The following TRPC6 variants were observed in gnomAD, a reference collection of about 807,000 sequenced individuals.
TRPC6 encodes the protein short transient receptor potential channel 6.
In TRPC6, 55 loss-of-function variants were observed where a neutral mutation model predicts 90.7. The ratio of observed to expected loss-of-function variants is 0.61; its 90% CI spans 0.49 to 0.76. The LOEUF (loss-of-function observed/expected upper bound fraction) is 0.76, where lower values mean the gene tolerates loss of function less well. TRPC6 is among the 30% of genes least tolerant of loss of function. The probability of loss-of-function intolerance (pLI) is 0.00; values close to 1 mark genes in which losing one functional copy is unlikely to be tolerated. For synonymous variants in TRPC6, 393 were observed against 393.0 expected (o/e 1.00, Z 0.00); for missense variants, 989 against 1,122.7 (o/e 0.88, Z 1.70).
At chr11:101,506,018 A>G (rs79540219) in intron 1 of TRPC6, among the ~76,000 whole-genome samples, 9 of 146,416 alleles carry the variant, frequency 6.1e-5, no homozygotes, top group Non-Finnish European at 1.2e-4. Context: ...TATCAAAGAA[A>G]AAAAAAAAAA....
At chr11:101,573,919 T>TA (rs1862016764) in intron 1 of TRPC6, among the ~76,000 whole-genome samples, 1 of 132,276 alleles carries the variant, frequency 7.6e-6, no homozygotes, top group Non-Finnish European at 1.6e-5. Flanking sequence ...AAGAAACAAA[T>TA]ACGTGTGTGT....
intron 1 of TRPC6, among the ~76,000 whole-genome samples, chr11:101,574,090 A>G (rs1430737154): frequency 6.6e-6 from 1 of 150,930 alleles, no homozygotes; most frequent in African/African-American, 2.5e-5. Context: ...TTAATTGTCT[A>G]GCACCAAAAG....
intron 1 of TRPC6, among the ~76,000 whole-genome samples, chr11:101,551,100 G>C (rs1208125116): frequency 6.6e-6 from 1 of 151,888 alleles, no homozygotes; most frequent in Non-Finnish European, 1.5e-5. Context: ...TAGAGAAAAT[G>C]CTTCTGTACT....
chr11:101,577,233 G>C (rs986182302), intron 1 of TRPC6, among the ~76,000 whole-genome samples: 1 of 151,956 alleles, frequency 6.6e-6, no homozygotes, highest in African/African-American at 2.4e-5. Context: ...GATTCTTTCT[G>C]CGTTCTAGAC....
intron 6 of TRPC6, among the ~76,000 whole-genome samples, chr11:101,475,627 A>G (rs1474041399): frequency 4.0e-5 from 6 of 151,666 alleles, no homozygotes; most frequent in Non-Finnish European, 8.8e-5. Flanking sequence ...ACATCTCCCC[A>G]TTTTGTGCCT....
intron 1 of TRPC6, among the ~76,000 whole-genome samples, chr11:101,518,385 A>C (rs1285378823): frequency 7.2e-5 from 11 of 152,206 alleles, no homozygotes; most frequent in Non-Finnish European, 1.6e-4. Context: ...TAGGCATAAT[A>C]TTTGAATAGA....
At chr11:101,565,580 T>C (rs1166657685) in intron 1 of TRPC6, among the ~76,000 whole-genome samples, 1 of 152,082 alleles carries the variant, frequency 6.6e-6, no homozygotes, top group Non-Finnish European at 1.5e-5. Flanking sequence ...ATTTTTTTAA[T>C]ATACTTTCTC....
chr11:101,519,463 AC>A (rs1401197428), intron 1 of TRPC6, among the ~76,000 whole-genome samples: 2 of 152,190 alleles, frequency 1.3e-5, no homozygotes, highest in Non-Finnish European at 2.9e-5. Flanking sequence ...TTCATTTTCC[AC>A]CGCTTTGAGG....
intron 10 of TRPC6, among the ~76,000 whole-genome samples, chr11:101,463,661 A>T (rs530333227): frequency 3.1e-4 from 47 of 152,120 alleles, no homozygotes; most frequent in African/African-American, 1.0e-3. Context: ...GATATCCCCT[A>T]TATCATTTTT....
intron 1 of TRPC6, among the ~76,000 whole-genome samples, chr11:101,576,355 T>A (rs963786932): frequency 6.6e-5 from 10 of 152,212 alleles, no homozygotes; most frequent in African/African-American, 2.4e-4. Flanking sequence ...ACATCATTTC[T>A]CCTCTTTGTC....
At chr11:101,527,987 C>T (rs948136181) in intron 1 of TRPC6, among the ~76,000 whole-genome samples, 29 of 152,002 alleles carry the variant, frequency 1.9e-4, no homozygotes, top group Non-Finnish European at 1.6e-4. Flanking sequence ...GCAGGAGAAT[C>T]GCTTGAACCC....
rs142630349 is a variant in TRPC6 at position 101,509,058 on chromosome 11, G to A, written c.171-4260C>T. 8.3e-3 allele frequency among the ~76,000 whole-genome samples: 1,198 copies of A among 144,858 alleles called. 62 individuals carry two copies. The highest frequency in any genetic ancestry group is 0.071 in the Admixed American group (1,044 of 14,714). On this transcript the variant is annotated intron_variant, in intron 1 of 12. Coordinates refer to ENST00000344327, the MANE Select transcript of TRPC6 (RefSeq NM_004621.6). ...GACACTTGGACTTCATCATTTTTCA[G>A]CTGTTATGCAATAAGAAGACCCATG...
At chr11:101,568,214 G>A (rs966362396) in intron 1 of TRPC6, among the ~76,000 whole-genome samples, 4 of 152,114 alleles carry the variant, frequency 2.6e-5, no homozygotes, top group South Asian at 2.1e-4. Context: ...CGAGAACTTC[G>A]TGAAGCATGC....
At chr11:101,469,529 A>T (rs1381812848) in intron 9 of TRPC6, 28 bp from the exon 10 acceptor site, 2 of 729,728 alleles carry the variant, frequency 2.7e-6, no homozygotes, top group African/African-American at 3.5e-5. Flanking sequence ...TAAAATGAGT[A>T]TAACTGCATA....
chr11:101,548,722 A>G (rs1042836342), intron 1 of TRPC6, among the ~76,000 whole-genome samples: 22 of 151,842 alleles, frequency 1.4e-4, no homozygotes, highest in African/African-American at 5.3e-4. Context: ...TAAAACTTTT[A>G]AGAACATTTC....
At chr11:101,560,086 CAG>C (rs1861681078) in intron 1 of TRPC6, among the ~76,000 whole-genome samples, 1 of 152,074 alleles carries the variant, frequency 6.6e-6, no homozygotes, top group African/African-American at 2.4e-5. Context: ...TTCGGATCAA[CAG>C]AGTTTTAGGT....
At chr11:101,465,812 C>T (rs114069381) in intron 10 of TRPC6, among the ~76,000 whole-genome samples, 2,009 of 152,250 alleles carry the variant, frequency 0.013, 40 homozygotes, top group African/African-American at 0.044. Context: ...ACTCATTCTC[C>T]GTCTGGTTTT....
chr11:101,461,198 T>G (rs1276650979), intron 10 of TRPC6, among the ~76,000 whole-genome samples: 1 of 152,218 alleles, frequency 6.6e-6, no homozygotes, highest in Non-Finnish European at 1.5e-5. Context: ...TTACTCCAGT[T>G]TTCTTATGTG....
intron 2 of TRPC6, among the ~76,000 whole-genome samples, chr11:101,494,099 C>T (rs1041426453): frequency 3.3e-5 from 5 of 152,116 alleles, no homozygotes; most frequent in Admixed American, 6.5e-5. Context: ...TACAAGGAAA[C>T]GGCTTTGCCC....
Sources: allele counts gnomAD v4.1 joint callset (sites outside exome capture counted in the v4.1 genomes callset), GRCh38; gene constraint gnomAD v4.1.1; transcripts MANE v1.5; gene names NCBI Gene and HGNC (gene_info 2026-07-23, HGNC 2026-07-21).